The following CLNK variants were observed in gnomAD, a reference collection of about 807,000 sequenced individuals.
CLNK encodes cytokine-dependent hematopoietic cell linker.
CLNK carries 74 observed loss-of-function variants against 68.6 expected under a neutral mutation model. That is an observed-to-expected ratio of 1.08 (90% CI 0.89 to 1.31). The LOEUF (loss-of-function observed/expected upper bound fraction) is 1.31, where lower values mean the gene tolerates loss of function less well. CLNK is among the 50% of genes most tolerant of loss of function. The pLI is 0.00. For missense variants in CLNK, 553 were observed against 515.3 expected, an observed-to-expected ratio of 1.07 and a Z score of -0.71; for synonymous variants, 198 against 172.2, an observed-to-expected ratio of 1.15 and a Z score of -1.17.
intron 2 of CLNK, among the ~76,000 whole-genome samples, chr4:10,665,662 CAA>C (rs57998581): frequency 0.01 from 656 of 62,856 alleles, 4 homozygotes; most frequent in African/African-American, 0.035. Flanking sequence ...GACTTCGTCT[CAA>C]AAAAAAAAAA....
At chr4:10,646,505 T>TG (rs1244044156) in intron 2 of CLNK, among the ~76,000 whole-genome samples, 2 of 152,220 alleles carry the variant, frequency 1.3e-5, no homozygotes, top group African/African-American at 4.8e-5. Flanking sequence ...TTGGAGCAGA[T>TG]GCGTCCAAGA....
At chr4:10,511,256 T>A (rs756371255) in intron 16 of CLNK, among the ~76,000 whole-genome samples, 10 of 152,172 alleles carry the variant, frequency 6.6e-5, no homozygotes, top group Non-Finnish European at 1.5e-4. Context: ...CTTGGGCACA[T>A]GTTCTCAGGA....
chr4:10,515,067 G>C (rs1387493559), intron 15 of CLNK, among the ~76,000 whole-genome samples: 1 of 152,052 alleles, frequency 6.6e-6, no homozygotes, highest in African/African-American at 2.4e-5. Flanking sequence ...GTGAAACCCC[G>C]TCTCTACTAA....
At chr4:10,674,595 T>G (rs567923025) in intron 1 of CLNK, among the ~76,000 whole-genome samples, 1 of 152,180 alleles carries the variant, frequency 6.6e-6, no homozygotes, top group Non-Finnish European at 1.5e-5. Flanking sequence ...GTTGTCTCCC[T>G]ACGGGGCTCA....
At chr4:10,512,075 A>C (rs1399963672) in intron 16 of CLNK, among the ~76,000 whole-genome samples, 1 of 152,196 alleles carries the variant, frequency 6.6e-6, no homozygotes, top group Non-Finnish European at 1.5e-5. Flanking sequence ...GATGTGGTCC[A>C]AGCCTGTCTC....
the CLNK span, among the ~76,000 whole-genome samples, chr4:10,711,344 A>C: frequency 6.6e-5 from 10 of 152,232 alleles, no homozygotes; most frequent in Non-Finnish European, 1.5e-4. Flanking sequence ...AGTGCTTTCT[A>C]ACTTGGGTCT....
chr4:10,592,107 A>C (rs1049968977), intron 3 of CLNK, among the ~76,000 whole-genome samples: 2 of 152,196 alleles, frequency 1.3e-5, no homozygotes, highest in African/African-American at 4.8e-5. Flanking sequence ...TTCTTACTCG[A>C]ATCATGCATT....
At chr4:10,551,750 G>A (rs1719469007) in intron 8 of CLNK, among the ~76,000 whole-genome samples, 1 of 152,014 alleles carries the variant, frequency 6.6e-6, no homozygotes, top group Non-Finnish European at 1.5e-5. Context: ...GCACATAGGA[G>A]GTACTAAATA....
the CLNK span, among the ~76,000 whole-genome samples, chr4:10,695,861 CTTT>C: frequency 6.9e-6 from 1 of 143,892 alleles, no homozygotes; most frequent in Non-Finnish European, 1.5e-5. Flanking sequence ...ACAATTAGAG[CTTT>C]TTTTTTTTTT....
the CLNK span, among the ~76,000 whole-genome samples, chr4:10,722,922 T>G: frequency 2.0e-5 from 3 of 152,006 alleles, no homozygotes; most frequent in Admixed American, 1.3e-4. Flanking sequence ...TGGTGGTGCA[T>G]ACCTGTGATC....
intron 4 of CLNK, 25 bp from the exon 5 acceptor site, chr4:10,571,803 T>C: frequency 1.2e-6 from 2 of 1,602,000 alleles, no homozygotes; most frequent in Non-Finnish European, 1.7e-6. Context: ...AGACCGAGTG[T>C]TATTTTAATC....
rs1716488302 is a variant in CLNK, at chr4:10,489,741, A to C, written c.*726T>G. 1.7e-5 allele frequency: 1 copy of C among 59,738 alleles called. No individual in the cohort carries two copies. Among genetic ancestry groups the C allele is most frequent in the Non-Finnish European group, 3.7e-5 (1 of 26,866 alleles). The allele number at this position is 59,738 out of a possible 1,614,324, so 3.7% of individuals were successfully genotyped here. A position where few individuals can be genotyped will look rare whatever the true frequency, so the allele number is the denominator to read the frequency against. On this transcript the variant is annotated 3_prime_UTR_variant, in exon 19 of 19. Coordinates refer to ENST00000226951, the MANE Select transcript of CLNK (RefSeq NM_052964.4). ...GAGTGCAGTGGCGCGATTTCGGCTCACTGCAAGCTCCGCCTCCCGGGTTCA... is the reference window on the plus strand; with the variant it reads ...GAGTGCAGTGGCGCGATTTCGGCTCCCTGCAAGCTCCGCCTCCCGGGTTCA...
chr4:10,549,180 TG>T lies in CLNK; in HGVS notation c.446-6901del, dbSNP rs1263312702. ...TTTCAGCCGCATCAAATATGCCGACTGGCAAGTGCTGATACCATGAGCTTCA... is the reference window on the plus strand; with the variant it reads ...TTTCAGCCGCATCAAATATGCCGACTGCAAGTGCTGATACCATGAGCTTCA... On this transcript the variant is annotated intron_variant, in intron 8 of 18. Transcript: ENST00000226951. 5.3e-5 allele frequency among the ~76,000 whole-genome samples: 8 copies of T among 152,360 alleles called. No homozygotes were observed. In the East Asian group the frequency reaches 1.5e-3, roughly 29 times the overall value.
At chr4:10,571,966 G>A (rs1720371053) in intron 4 of CLNK, among the ~76,000 whole-genome samples, 188 bp from the exon 5 acceptor site, 1 of 152,158 alleles carries the variant, frequency 6.6e-6, no homozygotes, top group Non-Finnish European at 1.5e-5. Context: ...TTGCAAAACA[G>A]GACAAAGAAA....
chr4:10,610,535 C>A (rs1331049512), intron 2 of CLNK, among the ~76,000 whole-genome samples: 1 of 151,998 alleles, frequency 6.6e-6, no homozygotes, highest in East Asian at 1.9e-4. Context: ...ATAAATGAAC[C>A]TAGACAAAGA....
chr4:10,574,472 C>A (rs1473381836), intron 4 of CLNK, among the ~76,000 whole-genome samples: 1 of 152,210 alleles, frequency 6.6e-6, no homozygotes, highest in Non-Finnish European at 1.5e-5. Flanking sequence ...CCTCTGCCAC[C>A]TTCCTCTGGT....
Position 10,487,323 on chromosome 4 carries a change from G to A in CLNK, c.*3144C>T, listed in dbSNP as rs1716387441. ...TCACTGTGAGATTTTGGCCAATGAG[G>A]TACAATTTCCTCAATTATAAAATGC... On this transcript the variant is annotated 3_prime_UTR_variant, in exon 19 of 19. Coordinates refer to ENST00000226951, the MANE Select transcript of CLNK (RefSeq NM_052964.4). 1 of 151,976 alleles carries A rather than the reference G, an allele frequency of 6.6e-6. No homozygotes were observed. 9.4% of individuals were successfully genotyped at this position (151,976 alleles called of 1,614,324 possible). A position where few individuals can be genotyped will look rare whatever the true frequency, so the allele number is the denominator to read the frequency against.
intron 2 of CLNK, among the ~76,000 whole-genome samples, chr4:10,601,073 C>A (rs1378981099): frequency 4.6e-5 from 7 of 152,160 alleles, no homozygotes; most frequent in Admixed American, 6.5e-5. Flanking sequence ...TTTGTAGCAA[C>A]CCTCAGTAGC....
At chr4:10,730,234 A>C in the CLNK span, among the ~76,000 whole-genome samples, 53,952 of 151,854 alleles carry the variant, frequency 0.36, 11,348 homozygotes, top group African/African-American at 0.6. Context: ...TCACATTGTA[A>C]AGAATTTCCT....
Sources: allele counts gnomAD v4.1 joint callset (sites outside exome capture counted in the v4.1 genomes callset), GRCh38; gene constraint gnomAD v4.1.1; transcripts MANE v1.5; gene names NCBI Gene and HGNC (gene_info 2026-07-23, HGNC 2026-07-21).